The following MGAM2 variants were observed in gnomAD, a reference collection of about 807,000 sequenced individuals.
The protein encoded by MGAM2 is probable maltase-glucoamylase 2.
A neutral mutation model predicts 96.1 loss-of-function variants in MGAM2; 98 were observed. That is an observed-to-expected ratio of 1.02 (90% CI 0.87 to 1.21). MGAM2 has a LOEUF of 1.21. Ranked by LOEUF, MGAM2 falls within the 50% of genes most tolerant of loss-of-function variation. The probability of loss-of-function intolerance (pLI) is 0.00; values close to 1 mark genes in which losing one functional copy is unlikely to be tolerated. For synonymous variants in MGAM2, 749 were observed against 414.8 expected (o/e 1.81, Z -9.79); for missense variants, 2,055 against 1,182.4 (o/e 1.74, Z -10.82).
At chr7:142,128,582 G>T (rs1794792035) in intron 3 of MGAM2, among the ~76,000 whole-genome samples, 1 of 152,194 alleles carries the variant, frequency 6.6e-6, no homozygotes, top group Non-Finnish European at 1.5e-5. Flanking sequence ...GGGACTTGGG[G>T]TCCTGTGTCC....
At chr7:142,165,088 T>C in intron 24 of MGAM2, 65 bp downstream of exon 24, 1 of 608,738 alleles carries the variant, frequency 1.6e-6, no homozygotes. Context: ...CCAGCCCTAC[T>C]TTGCTCTTTT....
intron 8 of MGAM2, 45 bp downstream of exon 8, chr7:142,136,685 G>T: frequency 1.5e-6 from 1 of 650,902 alleles, no homozygotes; most frequent in South Asian, 1.7e-5. Context: ...ATACGTTTTA[G>T]GATTCTGCTT....
intron 3 of MGAM2, among the ~76,000 whole-genome samples, chr7:142,124,349 T>C (rs1585142200): frequency 6.6e-6 from 1 of 152,234 alleles, no homozygotes; most frequent in Middle Eastern, 3.4e-3. Context: ...CCTCTGCATT[T>C]TAGTGACACC....
chr7:142,174,715 C>CTCTCTTTTTTTTTTTTTTTT (rs1194981898), intron 31 of MGAM2, among the ~76,000 whole-genome samples: 1 of 85,460 alleles, frequency 1.2e-5, no homozygotes, highest in African/African-American at 5.7e-5. Context: ...CTCTCTCTCT[C>CTCTCTTTTTTTTTTTTTTTT]TTTTTTTTTT....
intron 12 of MGAM2, among the ~76,000 whole-genome samples, chr7:142,142,704 C>A (rs1395215939): frequency 6.6e-6 from 1 of 151,954 alleles, no homozygotes; most frequent in African/African-American, 2.4e-5. Context: ...TGCCTGCCAC[C>A]ATGCCTGGCT....
chr7:142,167,477 G>A lies in MGAM2; in HGVS notation c.3018G>A (p.Leu1006=), dbSNP rs747616838. ...TGATCTATCACACAGCAACCATGCT[G>A]CAGGTCAAGGTAAGGCCCATGTTGC... ...LKVIYHTATM[L]QVKIYDPTNK... Residue 1006 remains leucine (L), a synonymous_variant, in exon 26 of 48, where the codon CTG becomes CTA. Coordinates refer to ENST00000477922, the MANE Select transcript of MGAM2 (RefSeq NM_001293626.2). 1 of 703,024 alleles carries A rather than the reference G, an allele frequency of 1.4e-6. No individual in the cohort carries two copies. The highest frequency in any genetic ancestry group is 1.5e-5 in the South Asian group (1 of 67,604). 43.5% of individuals were successfully genotyped at this position (703,024 alleles called of 1,614,324 possible).
intron 14 of MGAM2, among the ~76,000 whole-genome samples, chr7:142,145,578 T>C (rs756919804): frequency 2.0e-5 from 3 of 152,124 alleles, no homozygotes; most frequent in Non-Finnish European, 2.9e-5. Flanking sequence ...GAATACACTA[T>C]GCTCTGGCAA....
At chr7:142,117,345 G>C (rs890611924) in intron 2 of MGAM2, among the ~76,000 whole-genome samples, 1 of 152,078 alleles carries the variant, frequency 6.6e-6, no homozygotes, top group African/African-American at 2.4e-5. Context: ...GGAAACTAAG[G>C]TTACAGGGAG....
In MGAM2 at chr7:142,185,066, T is replaced by C. The variant is rs1330078711; in HGVS notation, c.3925-11T>C. 1 of 702,744 alleles carries C rather than the reference T, an allele frequency of 1.4e-6. No individual in the cohort carries two copies. Among genetic ancestry groups the C allele is most frequent in the East Asian group, 2.7e-5 (1 of 37,250 alleles). 43.5% of individuals were successfully genotyped at this position (702,744 alleles called of 1,614,324 possible). A position where few individuals can be genotyped will look rare whatever the true frequency, so the allele number is the denominator to read the frequency against. ...TCTGTAAAGGTTTTAATTGCCCTTC[T>C]TTTTCTCTAGGTTTGGCCAGATCTG... is the stretch of plus-strand genomic sequence containing the variant. On this transcript the variant is annotated splice_polypyrimidine_tract_variant and intron_variant, in intron 33 of 47. Transcript: ENST00000477922.
intron 45 of MGAM2, 21 bp downstream of exon 45, chr7:142,199,989 G>A (rs1482660041): frequency 1.6e-6 from 1 of 637,668 alleles, no homozygotes; most frequent in Non-Finnish European, 2.8e-6. Flanking sequence ...ACTTTCCAGG[G>A]TCCCTGTACA....
intron 46 of MGAM2, among the ~76,000 whole-genome samples, chr7:142,209,672 G>A (rs1797517481): frequency 6.6e-6 from 1 of 152,012 alleles, no homozygotes; most frequent in Non-Finnish European, 1.5e-5. Flanking sequence ...ACATCACCAG[G>A]CTAACTTCAT....
intron 12 of MGAM2, among the ~76,000 whole-genome samples, chr7:142,142,513 T>C (rs928151984): frequency 6.1e-5 from 9 of 148,652 alleles, no homozygotes; most frequent in African/African-American, 2.2e-4. Flanking sequence ...TGGAGGTGCA[T>C]AGTGGTGTGT....
chr7:142,197,260 G>A (rs1216626491), intron 40 of MGAM2, 140 bp from the exon 41 acceptor site: 2 of 605,362 alleles, frequency 3.3e-6, no homozygotes, highest in East Asian at 2.7e-5. Context: ...TGGCAGAGAT[G>A]GGGGAAAGGG....
intron 3 of MGAM2, among the ~76,000 whole-genome samples, chr7:142,121,032 A>G (rs141091495): frequency 1.3e-5 from 2 of 152,288 alleles, no homozygotes; most frequent in South Asian, 2.1e-4. Flanking sequence ...TCTAAATTCT[A>G]TATCTTCTTG....
At chr7:142,128,835 C>T (rs772592320) in intron 3 of MGAM2, among the ~76,000 whole-genome samples, 20 of 152,312 alleles carry the variant, frequency 1.3e-4, no homozygotes, top group Admixed American at 3.9e-4. Flanking sequence ...TAGGGCAGTG[C>T]GGAAGGGAAA....
At chr7:142,201,738 T>G (rs571765970) in intron 45 of MGAM2, among the ~76,000 whole-genome samples, 1 of 152,340 alleles carries the variant, frequency 6.6e-6, no homozygotes, top group South Asian at 2.1e-4. Flanking sequence ...TACCAATGAT[T>G]TACATAATGT....
At position 142,221,243 on chromosome 7, in the gene MGAM2, A is replaced by G. The variant is rs957181590; in HGVS notation, c.6732A>G (p.Thr2244=). 9 of 700,342 alleles carry G rather than the reference A, an allele frequency of 1.3e-5. No homozygotes were observed. Among genetic ancestry groups the G allele is most frequent in the Non-Finnish European group, 2.1e-5 (8 of 383,426 alleles). 43.4% of individuals were successfully genotyped at this position (700,342 alleles called of 1,614,324 possible). A position where few individuals can be genotyped will look rare whatever the true frequency, so the allele number is the denominator to read the frequency against. ...CTATGACAAATTTTCTTTTAGCTAC[A>G]ATGTCTGCTGGTAATATAACTAGTA... is the stretch of plus-strand genomic sequence containing the variant. ...DASMTNFLLA[T]MSAGNITSNS... is the part of the protein sequence containing the mutation. The change falls in exon 48 of 48, where the codon ACA becomes ACG. Residue 2244 remains threonine, a synonymous_variant. Coordinates refer to ENST00000477922, the MANE Select transcript of MGAM2 (RefSeq NM_001293626.2).
chr7:142,147,752 C>A (rs1795432070), intron 15 of MGAM2, among the ~76,000 whole-genome samples, 179 bp downstream of exon 15: 4 of 152,144 alleles, frequency 2.6e-5, no homozygotes, highest in African/African-American at 9.7e-5. Context: ...GGTTTCTGTA[C>A]AGGATTATCT....
rs539873910 is a variant in MGAM2 at position 142,112,640 on chromosome 7, C to T, written c.-1+833C>T. Among the ~76,000 whole-genome samples the T allele has an allele frequency of 1.1e-4, 16 of 152,028 alleles. No individual in the cohort carries two copies. The East Asian group carries it at 2.7e-3, about 26-fold the overall frequency. On this transcript the variant is annotated intron_variant, in intron 1 of 47. Transcript: ENST00000477922. Reference sequence around the variant, plus strand: ...AGCTCTGCAGCCTAGGATACATTGTCGAGAGAGTATTCAAGTACTATTTTA... The same window carrying T: ...AGCTCTGCAGCCTAGGATACATTGTTGAGAGAGTATTCAAGTACTATTTTA...
Sources: allele counts gnomAD v4.1 joint callset (sites outside exome capture counted in the v4.1 genomes callset), GRCh38; gene constraint gnomAD v4.1.1; transcripts MANE v1.5; gene names NCBI Gene and HGNC (gene_info 2026-07-23, HGNC 2026-07-21).